Variants in RALY observed in about 807,000 individuals in gnomAD.
RALY encodes RALY heterogeneous nuclear ribonucleoprotein, also known as RNA-binding protein Raly.
A neutral mutation model predicts 30.7 loss-of-function variants in RALY; 15 were observed. That is an observed-to-expected ratio of 0.49 (90% CI 0.33 to 0.75). The LOEUF is 0.75. RALY is among the 30% of genes least tolerant of loss of function. RALY has a pLI of 0.02. For missense variants in RALY, 339 were observed against 414.3 expected (o/e 0.82, Z 1.58); for synonymous variants, 177 against 170.8 (o/e 1.04, Z -0.28).
At position 34,045,499 on chromosome 20, in the gene RALY, A is replaced by G. The variant is rs376500476; in HGVS notation, c.-10+13895A>G. Among the ~76,000 whole-genome samples the G allele has an allele frequency of 2.3e-4, 35 of 152,312 alleles. No individual in the cohort carries two copies. The East Asian group carries it at 6.4e-3, about 28-fold the overall frequency. On this transcript the variant is annotated intron_variant, in intron 2 of 9. Transcript: ENST00000246194. ...GGTTGGAGAGTGGGCAGCTGAGGCC[A>G]GAACATAGGGCCCCGAGGTCCATTG...
In RALY at chr20:34,033,706, T is replaced by C. The variant is rs1241252509; in HGVS notation, c.-10+2102T>C. The stretch of plus-strand genomic sequence containing the variant: ...CTCCCATTAGGTCCCGCCTTAAACA[T>C]TGGGGATCAGATTTCAGCAAGAGGT... On this transcript the variant is annotated intron_variant, in intron 2 of 9. Transcript: ENST00000246194. 3.3e-5 allele frequency among the ~76,000 whole-genome samples: 5 copies of C among 152,124 alleles called. No individual in the cohort carries two copies. The East Asian group carries it at 7.7e-4, about 23-fold the overall frequency.
At chr20:34,013,662 A>G (rs999639672) in intron 1 of RALY, among the ~76,000 whole-genome samples, 1 of 152,150 alleles carries the variant, frequency 6.6e-6, no homozygotes, top group Non-Finnish European at 1.5e-5. Context: ...ATCAAATAAA[A>G]TACAGGATTT....
chr20:34,054,709 C>T (rs570776855), intron 2 of RALY, among the ~76,000 whole-genome samples: 20 of 152,112 alleles, frequency 1.3e-4, no homozygotes, highest in African/African-American at 4.6e-4. Context: ...GCCTGGCATC[C>T]CAGCTACTTG....
chr20:33,995,910 T>C (rs1446692669), intron 1 of RALY, among the ~76,000 whole-genome samples: 1 of 152,192 alleles, frequency 6.6e-6, no homozygotes, highest in East Asian at 1.9e-4. Flanking sequence ...CTTATTCAGG[T>C]CTTAAGGTCA....
intron 2 of RALY, among the ~76,000 whole-genome samples, chr20:34,068,434 C>T (rs778456350): frequency 2.6e-5 from 4 of 152,254 alleles, no homozygotes; most frequent in Middle Eastern, 3.4e-3. Context: ...GACCTCTGCC[C>T]TAGTGGTCCT....
chr20:34,018,628 C>T (rs2031697472), intron 1 of RALY, among the ~76,000 whole-genome samples: 1 of 152,100 alleles, frequency 6.6e-6, no homozygotes, highest in African/African-American at 2.4e-5. Context: ...GCTCACTTAC[C>T]CAGATGGAAT....
chr20:34,002,922 GGAAT>G (rs2030984792), intron 1 of RALY, among the ~76,000 whole-genome samples: 2 of 152,138 alleles, frequency 1.3e-5, no homozygotes, highest in East Asian at 3.8e-4. Context: ...GTATGCAGGT[GGAAT>G]TATCTGAGGT....
intron 1 of RALY, among the ~76,000 whole-genome samples, chr20:34,030,254 T>TG (rs1444228143): frequency 6.6e-6 from 1 of 152,222 alleles, no homozygotes; most frequent in African/African-American, 2.4e-5. Flanking sequence ...TTGTTAGCTG[T>TG]GCAATGGGCA....
At chr20:34,070,865 T>A (rs1420776823) in intron 2 of RALY, among the ~76,000 whole-genome samples, 1 of 152,196 alleles carries the variant, frequency 6.6e-6, no homozygotes, top group Non-Finnish European at 1.5e-5. Context: ...CTGGGTAATT[T>A]ATAATGAAAA....
intron 2 of RALY, among the ~76,000 whole-genome samples, chr20:34,034,140 T>C (rs2032386914): frequency 6.6e-6 from 1 of 152,214 alleles, no homozygotes; most frequent in Non-Finnish European, 1.5e-5. Context: ...ATTCCTCTTT[T>C]GGCCCTAGGT....
In RALY at chr20:34,075,990, A is replaced by G. The variant is rs2033866438; in HGVS notation, c.494A>G (p.Lys165Arg). 6.2e-6 allele frequency: 10 copies of G among 1,614,108 alleles called. No homozygotes were observed. The highest frequency in any genetic ancestry group is 8.5e-6 in the Non-Finnish European group (10 of 1,180,052). Residue 165 changes from lysine (K) to arginine (R), a missense_variant, in exon 6 of 10, where the codon AAG becomes AGG. This residue lies in a region of RALY where 268 missense variants were observed against 280.6 expected (regional missense o/e 0.95). Coordinates refer to ENST00000246194, the MANE Select transcript of RALY (RefSeq NM_016732.3). ...VRRVKTNVPV[K>R]LFARSTAVTT... ...CGTGTCAAAACTAACGTACCTGTCA[A>G]GCTCTTTGCCCGCTCCACAGCTGTC... is the stretch of plus-strand genomic sequence containing the variant.
rs1293876889 is a variant in RALY, at chr20:34,076,049, C to A, written c.544+9C>A. ...CTCAGCCAAGATCAAGTGTGAGTGA[C>A]TGTATCATATTCCTAAGTAATTTGC... On this transcript the variant is annotated intron_variant, in intron 6 of 9. Transcript: ENST00000246194. The A allele has an allele frequency of 6.2e-7, 1 of 1,608,276 alleles. No homozygotes were observed.
chr20:33,998,590 G>A (rs1273222999), intron 1 of RALY, among the ~76,000 whole-genome samples: 1 of 152,118 alleles, frequency 6.6e-6, no homozygotes, highest in Non-Finnish European at 1.5e-5. Flanking sequence ...TTTCAAGGTA[G>A]GCAGAGCAGA....
intron 2 of RALY, among the ~76,000 whole-genome samples, chr20:34,061,365 C>CT (rs1350306771): frequency 2.0e-5 from 3 of 152,174 alleles, no homozygotes. Flanking sequence ...GTAAATTAGT[C>CT]TGACACCAAT....
chr20:34,007,503 G>A (rs777166886), intron 1 of RALY, among the ~76,000 whole-genome samples: 2 of 149,382 alleles, frequency 1.3e-5, no homozygotes, highest in South Asian at 4.2e-4. Flanking sequence ...CCTTGGTGAC[G>A]GAGCGAGACT....
Position 34,076,796 on chromosome 20 carries a change from G to A in RALY, c.639G>A (p.Ala213=), listed in dbSNP as rs568191045. The A allele has an allele frequency of 7.4e-6, 12 of 1,613,982 alleles. No homozygotes were observed. In the African/African-American group the frequency reaches 1.2e-4, roughly 16 times the overall value. ...TGAGCCGCTTGGAGCAGATCGCTGC[G>A]GAGCAAAAGGCCAATCCAGGTCAGC... ...ALLSRLEQIA[A]EQKANPDGKK... The change falls in exon 7 of 10, where the codon GCG becomes GCA. Residue 213 remains alanine (A), a synonymous_variant. Coordinates refer to ENST00000246194, the MANE Select transcript of RALY (RefSeq NM_016732.3).
intron 2 of RALY, among the ~76,000 whole-genome samples, chr20:34,060,439 A>G (rs1279634032): frequency 6.6e-6 from 1 of 152,228 alleles, no homozygotes; most frequent in Non-Finnish European, 1.5e-5. Flanking sequence ...AAGCATTTGG[A>G]TAAGGAATAC....
intron 2 of RALY, among the ~76,000 whole-genome samples, chr20:34,043,788 A>C (rs2032783399): frequency 6.6e-6 from 1 of 152,184 alleles, no homozygotes; most frequent in Admixed American, 6.5e-5. Context: ...GCACAGAAGT[A>C]AGTCTTAGGA....
rs1439352508 is a variant in RALY, at chr20:34,083,451, T to G, written c.*3546T>G. 1.3e-5 allele frequency: 2 copies of G among 152,234 alleles called. No individual in the cohort carries two copies. Among genetic ancestry groups the G allele is most frequent in the Admixed American group, 6.5e-5 (1 of 15,284 alleles). 9.4% of individuals were successfully genotyped at this position (152,234 alleles called of 1,614,324 possible). ...ATGCGAGTGCTCTTGAGGATATTGC[T>G]ATGACGTATCTTTTGGCCAAAGTAA... On this transcript the variant is annotated 3_prime_UTR_variant, in exon 10 of 10. Coordinates refer to ENST00000246194, the MANE Select transcript of RALY (RefSeq NM_016732.3).
Sources: gnomAD v4.1 joint callset for allele counts (sites outside exome capture counted in the v4.1 genomes callset) on GRCh38, gnomAD v4.1.1 for gene constraint, gnomAD v4.1.1 regional missense constraint, MANE v1.5 for transcripts, NCBI Gene and HGNC (gene_info 2026-07-23, HGNC 2026-07-21) for gene names.